GPC5: variants seen among roughly 807,000 people sequenced by gnomAD.
GPC5 encodes the protein glypican-5.
A neutral mutation model predicts 53.9 loss-of-function variants in GPC5; 47 were observed. The ratio of observed to expected loss-of-function variants is 0.87; its 90% CI spans 0.69 to 1.11. The LOEUF is 1.11. GPC5 is among the 50% of genes most tolerant of loss of function. The probability of loss-of-function intolerance (pLI) is 0.00; values close to 1 mark genes in which losing one functional copy is unlikely to be tolerated. For synonymous variants in GPC5, 286 were observed against 263.3 expected, an observed-to-expected ratio of 1.09 and a Z score of -0.84; for missense variants, 748 against 713.1, an observed-to-expected ratio of 1.05 and a Z score of -0.56.
At chr13:92,224,740 A>G (rs2042472597) in intron 7 of GPC5, among the ~76,000 whole-genome samples, 1 of 152,198 alleles carries the variant, frequency 6.6e-6, no homozygotes, top group Admixed American at 6.5e-5. Context: ...CCTTGTAGAT[A>G]ATATTTCACA....
At chr13:92,558,343 A>C (rs1445407746) in intron 7 of GPC5, among the ~76,000 whole-genome samples, 1 of 152,070 alleles carries the variant, frequency 6.6e-6, no homozygotes, top group African/African-American at 2.4e-5. Context: ...CTAATAAAAG[A>C]AACTAACATA....
chr13:92,863,789 G>A (rs780744225), intron 7 of GPC5, among the ~76,000 whole-genome samples: 21 of 152,096 alleles, frequency 1.4e-4, no homozygotes, highest in East Asian at 3.9e-4. Context: ...CACTGCTCTC[G>A]GCCTACCATA....
At chr13:92,824,027 G>T (rs1248036169) in intron 7 of GPC5, among the ~76,000 whole-genome samples, 2 of 151,728 alleles carry the variant, frequency 1.3e-5, no homozygotes, top group East Asian at 3.9e-4. Context: ...CTTCTATCTT[G>T]TACTCTCATT....
intron 4 of GPC5, among the ~76,000 whole-genome samples, chr13:91,743,658 T>C (rs1186867245): frequency 6.6e-6 from 1 of 152,136 alleles, no homozygotes; most frequent in Non-Finnish European, 1.5e-5. Flanking sequence ...ACAATTGTCT[T>C]CGAACTAGTA....
chr13:91,777,184 A>C (rs2037724073), intron 5 of GPC5, among the ~76,000 whole-genome samples: 1 of 152,180 alleles, frequency 6.6e-6, no homozygotes, highest in African/African-American at 2.4e-5. Context: ...TGTCATTTTC[A>C]TTTAAGAGGT....
chr13:92,414,855 T>C (rs1876212756), intron 7 of GPC5, among the ~76,000 whole-genome samples: 1 of 152,128 alleles, frequency 6.6e-6, no homozygotes, highest in South Asian at 2.1e-4. Context: ...CTCAATCCCA[T>C]TCATAAAAGC....
intron 7 of GPC5, among the ~76,000 whole-genome samples, chr13:92,606,820 G>A (rs1054436513): frequency 6.6e-6 from 1 of 152,010 alleles, no homozygotes; most frequent in Admixed American, 6.6e-5. Context: ...TGGTATGACT[G>A]CCGTCTTGAC....
chr13:92,798,844 A>G (rs1876799665), intron 7 of GPC5, among the ~76,000 whole-genome samples: 1 of 151,890 alleles, frequency 6.6e-6, no homozygotes, highest in Non-Finnish European at 1.5e-5. Context: ...TTATGAACAC[A>G]TATTGACTGC....
chr13:92,725,134 C>T (rs1396100331), intron 7 of GPC5, among the ~76,000 whole-genome samples: 2 of 151,460 alleles, frequency 1.3e-5, no homozygotes, highest in Non-Finnish European at 3.0e-5. Context: ...TATTTAGATA[C>T]TGAATTTTAG....
At chr13:92,624,810 G>A (rs1362568506) in intron 7 of GPC5, among the ~76,000 whole-genome samples, 1 of 152,140 alleles carries the variant, frequency 6.6e-6, no homozygotes, top group African/African-American at 2.4e-5. Context: ...AGCCAACTTG[G>A]TCTTTGTTCT....
chr13:91,784,450 C>T (rs7330871), intron 5 of GPC5, among the ~76,000 whole-genome samples: 49,176 of 151,966 alleles, frequency 0.32, 9,385 homozygotes, highest in East Asian at 0.65. Flanking sequence ...TGAGGCCGGG[C>T]GCAGTGGCTC....
At position 91,978,562 on chromosome 13, in the gene GPC5, G is replaced by A. The variant is rs75566996; in HGVS notation, c.1401+70505G>A. On this transcript the variant is annotated intron_variant, in intron 6 of 7. Transcript: ENST00000377067. ...ACTGTGGATAAGTTTTGGAGGGAAG[G>A]CCTCTCTAGCTGACATTTGATTTGT... 6.3e-3 allele frequency among the ~76,000 whole-genome samples: 961 copies of A among 152,288 alleles called. 3 individuals are homozygous for A. Among genetic ancestry groups the A allele is most frequent in the Non-Finnish European group, 0.011 (740 of 68,032 alleles).
chr13:91,894,234 A>G (rs1444308156), intron 5 of GPC5, among the ~76,000 whole-genome samples: 2 of 152,176 alleles, frequency 1.3e-5, no homozygotes, highest in Non-Finnish European at 2.9e-5. Flanking sequence ...TCCATTTGGT[A>G]GCCCTTCAGG....
rs1878326798 is a variant in GPC5, at chr13:91,417,594, G to A, written c.163+18385G>A. 3.9e-5 allele frequency among the ~76,000 whole-genome samples: 6 copies of A among 152,288 alleles called. 1 individual carries two copies. Among genetic ancestry groups the A allele is most frequent in the African/African-American group, 1.4e-4 (6 of 41,556 alleles). On this transcript the variant is annotated intron_variant, in intron 1 of 7. Coordinates refer to ENST00000377067, the MANE Select transcript of GPC5 (RefSeq NM_004466.6). ...GTTGTTTTGAAACAAAGAGAACACTGGATACAGGGACTTCTGGCAGGAGTT... is the reference window on the plus strand; with the variant it reads ...GTTGTTTTGAAACAAAGAGAACACTAGATACAGGGACTTCTGGCAGGAGTT...
At chr13:91,757,510 G>A (rs941025195) in intron 5 of GPC5, among the ~76,000 whole-genome samples, 4 of 152,016 alleles carry the variant, frequency 2.6e-5, no homozygotes, top group African/African-American at 9.7e-5. Flanking sequence ...TCATGGGGAT[G>A]GTTTCCCCGA....
intron 6 of GPC5, among the ~76,000 whole-genome samples, chr13:91,935,919 G>T (rs896386689): frequency 6.6e-6 from 1 of 151,914 alleles, no homozygotes; most frequent in African/African-American, 2.4e-5. Flanking sequence ...CAAGGGAGTT[G>T]GGTCTATGAC....
intron 7 of GPC5, among the ~76,000 whole-genome samples, chr13:92,692,522 G>T (rs1274438435): frequency 4.0e-5 from 5 of 124,522 alleles, no homozygotes; most frequent in Non-Finnish European, 6.5e-5. Context: ...ACACTCTGGG[G>T]ACTGTTGTGG....
At chr13:91,835,353 A>G (rs1193972285) in intron 5 of GPC5, among the ~76,000 whole-genome samples, 19 of 152,340 alleles carry the variant, frequency 1.2e-4, no homozygotes, top group Admixed American at 1.2e-3. Context: ...CTAGAACCAG[A>G]AATACCATTT....
intron 7 of GPC5, among the ~76,000 whole-genome samples, chr13:92,363,983 G>A (rs932482749): frequency 5.3e-5 from 8 of 151,738 alleles, no homozygotes; most frequent in African/African-American, 2.0e-4. Flanking sequence ...AGGAAAACAT[G>A]CTCATGACTA....
Sources: gnomAD v4.1 joint callset for allele counts (sites outside exome capture counted in the v4.1 genomes callset) on GRCh38, gnomAD v4.1.1 for gene constraint, MANE v1.5 for transcripts, NCBI Gene and HGNC (gene_info 2026-07-23, HGNC 2026-07-21) for gene names.